The following UIMC1 variants were observed in gnomAD, a reference collection of about 807,000 sequenced individuals.
UIMC1 encodes ubiquitin interaction motif containing 1.
UIMC1 carries 42 observed loss-of-function variants against 84.9 expected under a neutral mutation model. The ratio of observed to expected loss-of-function variants is 0.49; its 90% CI spans 0.39 to 0.64. The LOEUF (loss-of-function observed/expected upper bound fraction) is 0.64. Ranked by LOEUF, UIMC1 falls within the 30% of genes least tolerant of loss-of-function variation. The probability of loss-of-function intolerance (pLI) is 0.00; values close to 1 mark genes in which losing one functional copy is unlikely to be tolerated. For missense variants in UIMC1, 825 were observed against 847.6 expected, an observed-to-expected ratio of 0.97 and a Z score of 0.33; for synonymous variants, 281 against 293.0, an observed-to-expected ratio of 0.96 and a Z score of 0.42.
rs539500588 is a variant in UIMC1 at position 176,929,142 on chromosome 5, C to T, written c.1597+14193G>A. 4.6e-5 allele frequency among the ~76,000 whole-genome samples: 7 copies of T among 151,874 alleles called. No homozygotes were observed. The South Asian group carries it at 8.3e-4, about 18-fold the overall frequency. On this transcript the variant is annotated intron_variant, in intron 10 of 14. Transcript: ENST00000511320. Reference sequence around the variant, plus strand: ...TGGTGGCGCGCACTTGTAGTCCCAGCTACTCGGGAGGCTGAGGCAGGAGAA... The same window carrying T: ...TGGTGGCGCGCACTTGTAGTCCCAGTTACTCGGGAGGCTGAGGCAGGAGAA...
chr5:176,991,090 C>T (rs368783006), intron 1 of UIMC1, among the ~76,000 whole-genome samples: 3 of 152,230 alleles, frequency 2.0e-5, no homozygotes, highest in South Asian at 2.1e-4. Context: ...TCACTGCAAG[C>T]TCTGCCTCCC....
chr5:176,933,613 T>C (rs987539990), intron 10 of UIMC1, among the ~76,000 whole-genome samples: 2 of 151,998 alleles, frequency 1.3e-5, no homozygotes, highest in African/African-American at 4.8e-5. Flanking sequence ...CACAGCTCAC[T>C]GTAGCCTCCA....
At chr5:176,933,358 T>C (rs1455600878) in intron 10 of UIMC1, among the ~76,000 whole-genome samples, 3 of 152,204 alleles carry the variant, frequency 2.0e-5, no homozygotes, top group Non-Finnish European at 4.4e-5. Flanking sequence ...ATGCCATTGG[T>C]TACTATCTAT....
At chr5:176,930,855 T>A (rs1301684949) in intron 10 of UIMC1, among the ~76,000 whole-genome samples, 1 of 152,204 alleles carries the variant, frequency 6.6e-6, no homozygotes, top group Non-Finnish European at 1.5e-5. Flanking sequence ...GTCTAATCCA[T>A]CAAACCATTT....
chr5:177,011,703 C>T (rs537234365), upstream of UIMC1, among the ~76,000 whole-genome samples: 249 of 152,162 alleles, frequency 1.6e-3, no homozygotes, highest in African/African-American at 5.7e-3. Flanking sequence ...ACAGGCAACA[C>T]GGTGAAAAGA....
At chr5:176,982,066 TTTTAA>T (rs1771137843) in intron 2 of UIMC1, among the ~76,000 whole-genome samples, 1 of 152,308 alleles carries the variant, frequency 6.6e-6, no homozygotes, top group East Asian at 1.9e-4. Flanking sequence ...AGAAGCTGAT[TTTTAA>T]TTTTAGTTAT....
intron 8 of UIMC1, among the ~76,000 whole-genome samples, chr5:176,953,810 T>C (rs996342003): frequency 2.0e-5 from 3 of 152,124 alleles, no homozygotes; most frequent in African/African-American, 7.2e-5. Flanking sequence ...TAAAAAGATA[T>C]TGTAATCTTA....
chr5:176,995,236 A>G (rs1355112801), intron 1 of UIMC1, among the ~76,000 whole-genome samples: 1 of 152,134 alleles, frequency 6.6e-6, no homozygotes, highest in Non-Finnish European at 1.5e-5. Flanking sequence ...GACAACCCAG[A>G]TTCCATCAAC....
intron 9 of UIMC1, among the ~76,000 whole-genome samples, chr5:176,948,842 A>G (rs1292727008): frequency 6.6e-6 from 1 of 152,198 alleles, no homozygotes; most frequent in African/African-American, 2.4e-5. Context: ...AAGAAATTTT[A>G]GGACAAATGA....
At chr5:176,958,273 A>G (rs1242952214) in intron 6 of UIMC1, 119 bp from the exon 7 acceptor site, 18 of 754,898 alleles carry the variant, frequency 2.4e-5, no homozygotes, top group East Asian at 5.5e-5. Flanking sequence ...TAAGAAGAAA[A>G]TATTTTCCAT....
chr5:177,018,436 A>G (rs534330104), intron 1 of UIMC1, among the ~76,000 whole-genome samples: 3 of 152,178 alleles, frequency 2.0e-5, no homozygotes, highest in Admixed American at 6.6e-5. Context: ...TCGTTTGCAC[A>G]TGCACACACA....
At chr5:176,979,422 C>T (rs1448386613) in intron 2 of UIMC1, among the ~76,000 whole-genome samples, 5 of 152,088 alleles carry the variant, frequency 3.3e-5, no homozygotes, top group Admixed American at 2.0e-4. Context: ...GCCTGGCCAA[C>T]ATGGTGAAAC....
intron 10 of UIMC1, among the ~76,000 whole-genome samples, chr5:176,931,952 G>A (rs149832826): frequency 0.01 from 1,546 of 152,288 alleles, 37 homozygotes; most frequent in African/African-American, 0.036. Flanking sequence ...CAGCCTGGGC[G>A]ACAGAGCGAG....
intron 10 of UIMC1, among the ~76,000 whole-genome samples, chr5:176,931,330 T>C (rs183276104): frequency 1.3e-5 from 2 of 152,366 alleles, no homozygotes; most frequent in East Asian, 1.9e-4. Context: ...AAAATGGTTT[T>C]TGCTGTTAAT....
chr5:177,007,930 C>A (rs1775435618), upstream of UIMC1, among the ~76,000 whole-genome samples: 1 of 151,612 alleles, frequency 6.6e-6, no homozygotes, highest in African/African-American at 2.4e-5. Flanking sequence ...CATGGTGAAA[C>A]CCCATCTCCA....
At position 176,905,307 on chromosome 5, in the gene UIMC1, C is replaced by T; in HGVS notation, c.2135G>A (p.Gly712Asp). ...QPGSRTRTKA[G>D]RGRRRKF Reference sequence around the variant, plus strand: ...TCAGAATTTTCTCCTTCTTCCTCTGCCAGCTTTGGTCCGTGTCCGACTACC... The same window carrying T: ...TCAGAATTTTCTCCTTCTTCCTCTGTCAGCTTTGGTCCGTGTCCGACTACC... Residue 712 changes from glycine to aspartate, a missense_variant, in exon 15 of 15, where the codon GGC (glycine) becomes GAC (aspartate). Transcript: ENST00000511320. 2 of 1,614,070 alleles carry T rather than the reference C, an allele frequency of 1.2e-6. No homozygotes were observed. Among genetic ancestry groups the T allele is most frequent in the Non-Finnish European group, 1.7e-6 (2 of 1,179,928 alleles).
At position 176,968,729 on chromosome 5, in the gene UIMC1, A is replaced by G; in HGVS notation, c.1026T>C (p.Ala342=). The G allele has an allele frequency of 1.2e-6, 2 of 1,614,054 alleles. No individual in the cohort carries two copies. Among genetic ancestry groups the G allele is most frequent in the Non-Finnish European group, 1.7e-6 (2 of 1,180,022 alleles). Residue 342 remains alanine, a synonymous_variant, in exon 6 of 15, where the codon GCT becomes GCC. Coordinates refer to ENST00000511320, the MANE Select transcript of UIMC1 (RefSeq NM_001199298.2). ...IQNECGQGEQ[A]SEKNECISED... ...CTGAGATGCATTCATTTTTCTCACT[A>G]GCCTGCTCTCCTTGGCCACATTCAT...
intron 10 of UIMC1, among the ~76,000 whole-genome samples, chr5:176,938,763 T>C (rs988441876): frequency 2.6e-5 from 4 of 152,208 alleles, no homozygotes; most frequent in Non-Finnish European, 5.9e-5. Flanking sequence ...TGGGATCTCA[T>C]CCTTATTCAC....
chr5:176,993,515 T>C (rs1350223494), intron 1 of UIMC1, among the ~76,000 whole-genome samples: 3 of 152,156 alleles, frequency 2.0e-5, no homozygotes, highest in East Asian at 1.9e-4. Context: ...CTTTTAAAAA[T>C]ATATCTAATC....
Sources: allele counts gnomAD v4.1 joint callset (sites outside exome capture counted in the v4.1 genomes callset), GRCh38; gene constraint gnomAD v4.1.1; transcripts MANE v1.5; gene names NCBI Gene and HGNC (gene_info 2026-07-23, HGNC 2026-07-21).